Variants in FAT3 observed in about 807,000 individuals in gnomAD.
FAT3 encodes the protein FAT atypical cadherin 3.
Under a neutral mutation model 310.2 loss-of-function variants are expected in FAT3, and 95 were observed. The ratio of observed to expected loss-of-function variants is 0.31; its 90% CI spans 0.26 to 0.36. The LOEUF (loss-of-function observed/expected upper bound fraction) is 0.36. Ranked by LOEUF, FAT3 falls within the 10% of genes least tolerant of loss-of-function variation. The probability of loss-of-function intolerance (pLI) is 1.00; values close to 1 mark genes in which losing one functional copy is unlikely to be tolerated. For missense variants in FAT3, 5,408 were observed against 5,715.6 expected (o/e 0.95, Z 1.74); for synonymous variants, 2,314 against 2,192.9 (o/e 1.06, Z -1.54).
intron 2 of FAT3, among the ~76,000 whole-genome samples, chr11:92,401,119 T>C (rs1175866446): frequency 6.6e-6 from 1 of 152,158 alleles, no homozygotes; most frequent in African/African-American, 2.4e-5. Flanking sequence ...GAGATTTGGT[T>C]ACCTGGAGCA....
intron 1 of FAT3, among the ~76,000 whole-genome samples, chr11:92,342,548 T>A (rs1046234264): frequency 5.3e-5 from 8 of 152,136 alleles, no homozygotes; most frequent in Admixed American, 2.0e-4. Flanking sequence ...ATCCATTGTG[T>A]CAGACTGTAG....
chr11:92,797,901 G>A lies in FAT3; in HGVS notation c.4888G>A (p.Asp1630Asn), dbSNP rs1947217454. The change falls in exon 10 of 28, where the codon GAC becomes AAC. Residue 1630 changes from aspartate (D) to asparagine (N), a missense_variant. Coordinates refer to ENST00000525166, the MANE Select transcript of FAT3 (RefSeq NM_001367949.2). The stretch of plus-strand genomic sequence containing the variant: ...CATCATCACCATTTGCAAAGAACCA[G>A]ACATGACGACGATGGGTCAGTTTGT... ...LGIITICKEP[D>N]MTTMGQFVLS... 1 of 1,613,764 alleles carries A rather than the reference G, an allele frequency of 6.2e-7. No individual in the cohort carries two copies. Among genetic ancestry groups the A allele is most frequent in the African/African-American group, 1.3e-5 (1 of 74,900 alleles).
intron 3 of FAT3, among the ~76,000 whole-genome samples, chr11:92,663,091 C>T (rs561589588): frequency 1.7e-4 from 26 of 152,192 alleles, no homozygotes; most frequent in Admixed American, 3.9e-4. Context: ...CCAGAGGAAG[C>T]GGAAATTTTT....
chr11:92,767,672 T>C (rs552161523), intron 6 of FAT3, among the ~76,000 whole-genome samples: 48 of 152,292 alleles, frequency 3.2e-4, no homozygotes, highest in South Asian at 2.9e-3. Flanking sequence ...CAGTACTGCA[T>C]GTAACCTGAT....
chr11:92,378,549 C>T (rs1273679330), intron 2 of FAT3, among the ~76,000 whole-genome samples: 2 of 152,108 alleles, frequency 1.3e-5, no homozygotes, highest in African/African-American at 2.4e-5. Context: ...TTAACTATAT[C>T]AAGGGCCTTG....
intron 3 of FAT3, among the ~76,000 whole-genome samples, chr11:92,673,983 C>T (rs1943209018): frequency 2.6e-5 from 4 of 151,936 alleles, no homozygotes; most frequent in Admixed American, 2.6e-4. Context: ...GAGTTCGAGA[C>T]CAGCCTGGCC....
At chr11:92,421,275 G>A (rs1247372362) in intron 2 of FAT3, among the ~76,000 whole-genome samples, 2 of 152,162 alleles carry the variant, frequency 1.3e-5, no homozygotes, top group African/African-American at 4.8e-5. Flanking sequence ...ATTGCTGAGA[G>A]CCTAAACATT....
Position 92,895,850 on chromosome 11 carries a change from CT to C in FAT3, c.*4740del, listed in dbSNP as rs1203679745. 6.6e-6 allele frequency: 1 copy of C among 151,990 alleles called. No homozygotes were observed. The highest frequency in any genetic ancestry group is 2.4e-5 in the African/African-American group (1 of 41,362). The allele number at this position is 151,990 out of a possible 1,614,324, so 9.4% of individuals were successfully genotyped here. A position where few individuals can be genotyped will look rare whatever the true frequency, so the allele number is the denominator to read the frequency against. ...ACTATATTTGATGCCTATCAGGATG[CT>C]TTAATTTGGGGGGTCGAATATAATT... On this transcript the variant is annotated 3_prime_UTR_variant, in exon 28 of 28. Transcript: ENST00000525166.
At chr11:92,744,798 T>C (rs961731252) in intron 4 of FAT3, among the ~76,000 whole-genome samples, 1 of 152,218 alleles carries the variant, frequency 6.6e-6, no homozygotes, top group Non-Finnish European at 1.5e-5. Context: ...AGAAAGCATA[T>C]TTCTGGGCCA....
intron 3 of FAT3, among the ~76,000 whole-genome samples, chr11:92,582,880 C>T (rs1202911175): frequency 6.6e-6 from 1 of 151,998 alleles, no homozygotes; most frequent in Non-Finnish European, 1.5e-5. Context: ...CTTTTGAGCA[C>T]AAAAGCAAAA....
chr11:92,457,735 A>G (rs982459709), intron 2 of FAT3, among the ~76,000 whole-genome samples: 1 of 151,226 alleles, frequency 6.6e-6, no homozygotes, highest in Non-Finnish European at 1.5e-5. Context: ...CAGCCTGACC[A>G]ATATGGTGAA....
At chr11:92,474,069 A>T (rs554490209) in intron 2 of FAT3, among the ~76,000 whole-genome samples, 7 of 152,300 alleles carry the variant, frequency 4.6e-5, no homozygotes, top group Admixed American at 1.3e-4. Flanking sequence ...CAGAAGATAA[A>T]GGAGCAGCCT....
At chr11:92,869,600 G>A (rs1340721273) in intron 22 of FAT3, among the ~76,000 whole-genome samples, 1 of 152,210 alleles carries the variant, frequency 6.6e-6, no homozygotes, top group African/African-American at 2.4e-5. Flanking sequence ...AATAGAGGAA[G>A]TTTTGCTAGA....
intron 1 of FAT3, among the ~76,000 whole-genome samples, chr11:92,234,084 T>A (rs941645275): frequency 6.6e-6 from 1 of 152,238 alleles, no homozygotes; most frequent in Admixed American, 6.5e-5. Context: ...ACAATAGATA[T>A]GTTTTTAAAC....
intron 1 of FAT3, among the ~76,000 whole-genome samples, chr11:92,226,299 G>A (rs1456284419): frequency 6.6e-6 from 1 of 151,972 alleles, no homozygotes; most frequent in African/African-American, 2.4e-5. Flanking sequence ...CTCCTCTCTC[G>A]TTGACTTTTG....
chr11:92,276,708 G>C (rs1247336819), intron 1 of FAT3, among the ~76,000 whole-genome samples: 1 of 152,142 alleles, frequency 6.6e-6, no homozygotes, highest in Non-Finnish European at 1.5e-5. Context: ...CCTACTGTTT[G>C]AAGCAGAGCC....
chr11:92,575,451 G>A (rs554871337), intron 3 of FAT3, among the ~76,000 whole-genome samples: 2 of 152,134 alleles, frequency 1.3e-5, no homozygotes, highest in Non-Finnish European at 1.5e-5. Context: ...AATTATTTCT[G>A]TATTAGGTCT....
At chr11:92,835,734 A>G (rs1450463909) in intron 15 of FAT3, among the ~76,000 whole-genome samples, 1 of 152,146 alleles carries the variant, frequency 6.6e-6, no homozygotes, top group Non-Finnish European at 1.5e-5. Context: ...CTTTCCCCCT[A>G]CACACACAGA....
chr11:92,369,233 T>C (rs999368826), intron 2 of FAT3, among the ~76,000 whole-genome samples: 27 of 152,290 alleles, frequency 1.8e-4, no homozygotes, highest in African/African-American at 4.8e-4. Context: ...GGCTTGGAAG[T>C]GTTGGCTTTA....
Sources: gnomAD v4.1 joint callset for allele counts (sites outside exome capture counted in the v4.1 genomes callset) on GRCh38, gnomAD v4.1.1 for gene constraint, MANE v1.5 for transcripts, NCBI Gene and HGNC (gene_info 2026-07-23, HGNC 2026-07-21) for gene names.